CSPP1: variants seen among roughly 807,000 people sequenced by gnomAD.
The protein encoded by CSPP1 is centrosome and spindle pole-associated protein 1.
In CSPP1, 126 loss-of-function variants were observed where a neutral mutation model predicts 164.4. That is an observed-to-expected ratio of 0.77 (90% confidence interval 0.66 to 0.89). CSPP1 has a LOEUF of 0.89. Ranked by LOEUF, CSPP1 falls within the 40% of genes least tolerant of loss-of-function variation. The pLI is 0.00. For synonymous variants in CSPP1, 472 were observed against 476.7 expected (o/e 0.99, Z 0.13); for missense variants, 1,395 against 1,449.8 (o/e 0.96, Z 0.61).
chr8:67,103,474 C>T (rs1814592762), intron 8 of CSPP1, among the ~76,000 whole-genome samples: 1 of 151,710 alleles, frequency 6.6e-6, no homozygotes, highest in Non-Finnish European at 1.5e-5. Flanking sequence ...ATCTTAGAGT[C>T]ATGGTGATGC....
intron 15 of CSPP1, among the ~76,000 whole-genome samples, chr8:67,126,669 T>G (rs186331395): frequency 6.6e-6 from 1 of 152,200 alleles, no homozygotes; most frequent in Non-Finnish European, 1.5e-5. Context: ...CAGAGCTTCC[T>G]CGGGCATCCA....
intron 3 of CSPP1, among the ~76,000 whole-genome samples, chr8:67,079,029 A>T (rs1158266564): frequency 6.6e-6 from 1 of 152,158 alleles, no homozygotes; most frequent in Non-Finnish European, 1.5e-5. Flanking sequence ...TGATCATTAC[A>T]TTCACATATT....
intron 1 of CSPP1, among the ~76,000 whole-genome samples, chr8:67,068,700 G>A (rs1254246390): frequency 2.6e-5 from 4 of 152,126 alleles, no homozygotes; most frequent in Non-Finnish European, 5.9e-5. Flanking sequence ...TCTAGAAACT[G>A]GTATTGCTAG....
At chr8:67,159,889 TTTCTTTCTTTC>T (rs1373461431) in intron 21 of CSPP1, among the ~76,000 whole-genome samples, 1 of 65,458 alleles carries the variant, frequency 1.5e-5, no homozygotes, top group Non-Finnish European at 2.8e-5. Context: ...TCTTTCTTTC[TTTCTTTCTTTC>T]TTTCTTTCTT....
At chr8:67,098,924 T>G (rs1347290034) in intron 7 of CSPP1, among the ~76,000 whole-genome samples, 2 of 151,572 alleles carry the variant, frequency 1.3e-5, no homozygotes, top group African/African-American at 4.8e-5. Context: ...GAAAAATGAT[T>G]GTCCACAGTT....
intron 1 of CSPP1, among the ~76,000 whole-genome samples, chr8:67,067,002 C>T (rs1221662224): frequency 1.3e-5 from 2 of 152,170 alleles, no homozygotes; most frequent in Non-Finnish European, 2.9e-5. Context: ...GCGATCCGCC[C>T]GTCTTGGCCT....
chr8:67,125,465 G>A (rs1030422079), intron 15 of CSPP1, among the ~76,000 whole-genome samples: 1 of 152,014 alleles, frequency 6.6e-6, no homozygotes, highest in African/African-American at 2.4e-5. Context: ...TGCGCTTATT[G>A]GATCTGTAGA....
chr8:67,132,011 G>A lies in CSPP1; in HGVS notation c.1758G>A (p.Leu586=), dbSNP rs763408330. 4.3e-6 allele frequency: 7 copies of A among 1,613,660 alleles called. No individual in the cohort carries two copies. Among genetic ancestry groups the A allele is most frequent in the Admixed American group, 1.7e-5 (1 of 59,974 alleles). The change falls in exon 16 of 31, where the codon TTG becomes TTA. Residue 586 remains leucine (L), a synonymous_variant. Coordinates refer to ENST00000678616, the MANE Select transcript of CSPP1 (RefSeq NM_001382391.1). Reference sequence around the variant, plus strand: ...GTGATCAAGTGATAAATTCAGGATTGATTTTTGAAGATAAACCGAAACCTT... The same window carrying A: ...GTGATCAAGTGATAAATTCAGGATTAATTTTTGAAGATAAACCGAAACCTT... The part of the protein sequence containing the change: ...ITSDQVINSG[L]IFEDKPKPSK...
In CSPP1 at chr8:67,074,314, C is replaced by G; in HGVS notation, c.62C>G (p.Ala21Gly). 7 of 1,610,084 alleles carry G rather than the reference C, an allele frequency of 4.3e-6. No individual in the cohort carries two copies. Among genetic ancestry groups the G allele is most frequent in the Non-Finnish European group, 5.9e-6 (7 of 1,177,764 alleles). ...EQKARLAEDK[A>G]ELESDPPYME... is the part of the protein sequence containing the mutation. ...AAAGCCAGATTGGCCGAAGACAAAG[C>G]AGAGTTGGAAAGTGATCCACCTTAC... Residue 21 changes from alanine (A) to glycine (G), a missense_variant, in exon 2 of 31, where the codon GCA becomes GGA. By Grantham distance (60) the Ala-to-Gly change is moderately conservative (BLOSUM62 0). Coordinates refer to ENST00000678616, the MANE Select transcript of CSPP1 (RefSeq NM_001382391.1).
chr8:67,131,891 G>A, intron 15 of CSPP1, 60 bp from the exon 16 acceptor site: 1 of 1,439,844 alleles, frequency 6.9e-7, no homozygotes, highest in Non-Finnish European at 9.4e-7. Context: ...AAAAACTGTT[G>A]TATTTTCTTC....
Position 67,118,318 on chromosome 8 carries a change from G to T in CSPP1, c.1567G>T (p.Ala523Ser). Residue 523 changes from alanine (A) to serine (S), a missense_variant, in exon 14 of 31, where the codon GCA (alanine) becomes TCA (serine). Transcript: ENST00000678616. ...ATNYRTPYDDAYYFYGSRNTF... is the reference protein window; with the variant it reads ...ATNYRTPYDDSYYFYGSRNTF... ...TAACTATCGAACTCCTTATGATGAT[G>T]CATACTATTTTTATGGGTCCAGGAA... 7 of 1,613,220 alleles carry T rather than the reference G, an allele frequency of 4.3e-6. No individual in the cohort carries two copies. The highest frequency in any genetic ancestry group is 5.9e-6 in the Non-Finnish European group (7 of 1,179,320).
Position 67,195,525 on chromosome 8 carries a change from G to GAGC in CSPP1, c.3622_3624dup (p.Gln1208dup). ...TTTCATGGCAGAGCAGCTGAACCAG[G>GAGC]AGCAGCAGCAGATTCCTGGAAAACC... On this transcript the variant is annotated inframe_insertion, in exon 31 of 31. Coordinates refer to ENST00000678616, the MANE Select transcript of CSPP1 (RefSeq NM_001382391.1). 1.2e-6 allele frequency: 2 copies of GAGC among 1,614,196 alleles called. No individual in the cohort carries two copies. Among genetic ancestry groups the GAGC allele is most frequent in the East Asian group, 4.5e-5 (2 of 44,876 alleles).
chr8:67,111,980 G>A lies in CSPP1; in HGVS notation c.1102G>A (p.Asp368Asn). 2 of 1,605,288 alleles carry A rather than the reference G, an allele frequency of 1.2e-6. No homozygotes were observed. Among genetic ancestry groups the A allele is most frequent in the Non-Finnish European group, 1.7e-6 (2 of 1,174,060 alleles). ...CTCATACCACTATCTAGGAGGTGAA[G>A]ATCGAGAACTTATTCAGAGAAGGAA... ...PFAGMLFGGE[D>N]RELIQRRKEK... The change falls in exon 10 of 31, where the codon GAT becomes AAT. Residue 368 changes from aspartate to asparagine, a missense_variant. By Grantham distance (23) the Asp-to-Asn change is conservative. Transcript: ENST00000678616.
In CSPP1 at chr8:67,195,438, G is replaced by A. The variant is rs200079718; in HGVS notation, c.3526G>A (p.Gly1176Arg). 1.9e-5 allele frequency: 31 copies of A among 1,614,064 alleles called. No individual in the cohort carries two copies. In the East Asian group the frequency reaches 4.7e-4, roughly 24 times the overall value. Residue 1176 changes from glycine (G) to arginine (R), a missense_variant, in exon 31 of 31, where the codon GGA becomes AGA. By Grantham distance (125) the Gly-to-Arg change is moderately radical. Transcript: ENST00000678616. Reference protein sequence around the residue: ...DDIMKHIGDDGSNSVATEPWL... With the variant: ...DDIMKHIGDDRSNSVATEPWL... ...CATCATGAAACACATAGGGGATGAC[G>A]GATCAAACTCTGTAGCAACTGAGCC...
In CSPP1 at chr8:67,091,819, C is replaced by T. The variant is rs376349106; in HGVS notation, c.320C>T (p.Thr107Met). ...RYLTQKNFLS[T>M]SETDPSTLGV... ...TATATACAGAAAAATTTTCTATCTA[C>T]GAGTGAAACAGATCCATCTACTTTG... The change falls in exon 5 of 31, where the codon ACG (threonine) becomes ATG (methionine). Residue 107 changes from threonine (T) to methionine (M), a missense_variant. Transcript: ENST00000678616. The T allele has an allele frequency of 4.1e-5, 55 of 1,330,572 alleles. No homozygotes were observed. Among genetic ancestry groups the T allele is most frequent in the East Asian group, 1.4e-4 (3 of 20,958 alleles). The allele number at this position is 1,330,572 out of a possible 1,614,324, so 82.4% of individuals were successfully genotyped here.
At chr8:67,144,820 G>T (rs1383713643) in intron 17 of CSPP1, among the ~76,000 whole-genome samples, 1 of 151,860 alleles carries the variant, frequency 6.6e-6, no homozygotes, top group Non-Finnish European at 1.5e-5. Context: ...TGTAATCCCA[G>T]CACATTGGGA....
intron 24 of CSPP1, among the ~76,000 whole-genome samples, chr8:67,169,790 C>T (rs1487387615): frequency 6.6e-6 from 1 of 152,000 alleles, no homozygotes; most frequent in Non-Finnish European, 1.5e-5. Flanking sequence ...TTTCTGTCAC[C>T]TAGGCTGGAG....
intron 3 of CSPP1, among the ~76,000 whole-genome samples, chr8:67,082,008 T>G (rs2129542698): frequency 1.3e-5 from 2 of 152,338 alleles, no homozygotes; most frequent in Admixed American, 1.3e-4. Flanking sequence ...CCTAAGTAGT[T>G]GAGACTATAG....
At chr8:67,184,979 CT>C (rs1174672613) in intron 28 of CSPP1, among the ~76,000 whole-genome samples, 1 of 147,670 alleles carries the variant, frequency 6.8e-6, no homozygotes, top group Non-Finnish European at 1.5e-5. Context: ...TGGTGGGCAC[CT>C]ATAAGTCCCA....
Sources: gnomAD v4.1 joint callset for allele counts (sites outside exome capture counted in the v4.1 genomes callset) on GRCh38, gnomAD v4.1.1 for gene constraint, MANE v1.5 for transcripts, NCBI Gene and HGNC (gene_info 2026-07-23, HGNC 2026-07-21) for gene names.